The following ELMO2 variants were observed in gnomAD, a reference collection of about 807,000 sequenced individuals.
The protein encoded by ELMO2 is engulfment and cell motility 2.
ELMO2 carries 37 observed loss-of-function variants against 96.2 expected under a neutral mutation model. The ratio of observed to expected loss-of-function variants is 0.38; its 90% CI spans 0.30 to 0.51. ELMO2 has a LOEUF of 0.51. ELMO2 is among the 20% of genes least tolerant of loss of function. The probability of loss-of-function intolerance (pLI) is 0.88; values close to 1 mark genes in which losing one functional copy is unlikely to be tolerated. For missense variants in ELMO2, 561 were observed against 912.6 expected, an observed-to-expected ratio of 0.61 and a Z score of 4.96; for synonymous variants, 315 against 329.4, an observed-to-expected ratio of 0.96 and a Z score of 0.47.
intron 15 of ELMO2, among the ~76,000 whole-genome samples, chr20:46,374,098 GTTTTTTTTTTTTT>G (rs60843274): frequency 4.8e-5 from 3 of 63,030 alleles, no homozygotes; most frequent in South Asian, 7.1e-4. Flanking sequence ...CTAATTTTTG[GTTTTTTTTTTTTT>G]TTTTTTTTTT....
chr20:46,399,309 C>G (rs2060297947), intron 1 of ELMO2, among the ~76,000 whole-genome samples: 1 of 152,184 alleles, frequency 6.6e-6, no homozygotes, highest in African/African-American at 2.4e-5. Context: ...GGGCCACACT[C>G]CCTCGTGTGC....
In ELMO2 at chr20:46,371,260, G is replaced by A; in HGVS notation, c.1801+92C>T. ...AGGTCCAGAGAGGTAACAGGTACAA[G>A]CCCAGATGATCAGCTACAAACAGCT... is the stretch of plus-strand genomic sequence containing the variant. On this transcript the variant is annotated intron_variant, in intron 19 of 21. Transcript: ENST00000290246. This position sits in a 1 kb window ranked among gnomAD's most constrained non-coding sequence, Gnocchi z 5.9. 7.0e-6 allele frequency: 9 copies of A among 1,278,622 alleles called. No individual in the cohort carries two copies. The highest frequency in any genetic ancestry group is 5.2e-5 in the South Asian group (4 of 77,274). 79.2% of individuals were successfully genotyped at this position (1,278,622 alleles called of 1,614,324 possible).
intron 9 of ELMO2, among the ~76,000 whole-genome samples, chr20:46,385,363 A>G (rs2060023263): frequency 6.6e-6 from 1 of 152,242 alleles, no homozygotes; most frequent in Non-Finnish European, 1.5e-5. Context: ...AAAATGTTTT[A>G]GGATGTGATA....
chr20:46,396,359 CTG>C (rs1057492949), intron 2 of ELMO2, among the ~76,000 whole-genome samples: 4 of 152,156 alleles, frequency 2.6e-5, no homozygotes, highest in Non-Finnish European at 4.4e-5. Context: ...ATTTTAAAAA[CTG>C]AGATATAATT....
At chr20:46,376,759 T>C in intron 11 of ELMO2, 4 of 1,289,430 alleles carry the variant, frequency 3.1e-6, no homozygotes, top group Non-Finnish European at 4.0e-6. Flanking sequence ...CTCTCCTCCA[T>C]TTTCCACATG....
chr20:46,396,316 A>G (rs2060243926), intron 2 of ELMO2, among the ~76,000 whole-genome samples: 1 of 152,230 alleles, frequency 6.6e-6, no homozygotes, highest in Admixed American at 6.5e-5. Flanking sequence ...AGCTGCTGCA[A>G]TTAGTAGACA....
At position 46,375,384 on chromosome 20, in the gene ELMO2, C is replaced by CATT. The variant is rs1568755519; in HGVS notation, c.931-15_931-14insAAT. On this transcript the variant is annotated splice_polypyrimidine_tract_variant and intron_variant, in intron 12 of 21. Transcript: ENST00000290246. The surrounding 1 kb of genome is among the most constrained non-coding windows in gnomAD (Gnocchi z 4.6). ...GTCCCTTTGAGCCTGCGAGGTGAAA[C>CATT]AGACAGTCAGCAGGTGAATCGGCTA... is the stretch of plus-strand genomic sequence containing the variant. 1 of 1,612,704 alleles carries CATT rather than the reference C, an allele frequency of 6.2e-7. No homozygotes were observed. Among genetic ancestry groups the CATT allele is most frequent in the Non-Finnish European group, 8.5e-7 (1 of 1,178,822 alleles).
At chr20:46,373,296 C>T in intron 16 of ELMO2, 103 bp downstream of exon 16, 1 of 1,517,540 alleles carries the variant, frequency 6.6e-7, no homozygotes, top group Non-Finnish European at 9.0e-7. Context: ...GCAGACCAAG[C>T]TGCTTTTCCA....
intron 15 of ELMO2, among the ~76,000 whole-genome samples, chr20:46,374,100 T>G (rs968588444): frequency 0.11 from 2,446 of 22,492 alleles, 34 homozygotes; most frequent in Non-Finnish European, 0.2. Flanking sequence ...AATTTTTGGT[T>G]TTTTTTTTTT....
At chr20:46,389,294 G>A (rs2060108934) in intron 6 of ELMO2, 74 bp from the exon 7 acceptor site, 3 of 1,485,850 alleles carry the variant, frequency 2.0e-6, no homozygotes, top group African/African-American at 2.8e-5. Context: ...AGCTCACAGA[G>A]GCCCTTCTGT....
In ELMO2 at chr20:46,371,818, G is replaced by T; in HGVS notation, c.1568C>A (p.Ser523Tyr). The change falls in exon 17 of 22, where the codon TCC (serine) becomes TAC (tyrosine). Residue 523 changes from serine (S) to tyrosine (Y), a missense_variant. Transcript: ENST00000290246. The surrounding 1 kb of genome is among the most constrained non-coding windows in gnomAD (Gnocchi z 5.9). The stretch of plus-strand genomic sequence containing the variant: ...AGATGGAACTTACACAATTGGCGGG[G>T]ACTGGAAGTCATCCTGACTCATCCT... Reference protein sequence around the residue: ...SERMSQDDFQSPPIVELREKI... With the variant: ...SERMSQDDFQYPPIVELREKI... 1 of 1,614,166 alleles carries T rather than the reference G, an allele frequency of 6.2e-7. No homozygotes were observed. Among genetic ancestry groups the T allele is most frequent in the South Asian group, 1.1e-5 (1 of 91,074 alleles).
At chr20:46,378,272 C>T (rs1198573005) in intron 11 of ELMO2, among the ~76,000 whole-genome samples, 1 of 152,102 alleles carries the variant, frequency 6.6e-6, no homozygotes, top group Non-Finnish European at 1.5e-5. Flanking sequence ...TCAGTGAAAT[C>T]CCTGGACTTC....
At chr20:46,387,029 C>A (rs1751054468) in intron 8 of ELMO2, among the ~76,000 whole-genome samples, 1 of 152,128 alleles carries the variant, frequency 6.6e-6, no homozygotes, top group African/African-American at 2.4e-5. Context: ...CTCAGGAAGT[C>A]GGTCAAAAGA....
At chr20:46,406,122 T>C (rs1299830644) in intron 1 of ELMO2, among the ~76,000 whole-genome samples, 4 of 152,086 alleles carry the variant, frequency 2.6e-5, no homozygotes, top group Admixed American at 1.3e-4. Context: ...CGGGTCCAGG[T>C]TGAGCATGAC....
At chr20:46,368,161 GT>G (rs928218504) in intron 21 of ELMO2, among the ~76,000 whole-genome samples, 83 of 152,202 alleles carry the variant, frequency 5.5e-4, no homozygotes, top group African/African-American at 1.9e-3. Flanking sequence ...CCACTTGCTT[GT>G]TCTTCATTTC....
At chr20:46,379,654 TG>T (rs1160936186) in intron 11 of ELMO2, among the ~76,000 whole-genome samples, 1 of 152,180 alleles carries the variant, frequency 6.6e-6, no homozygotes, top group South Asian at 2.1e-4. Flanking sequence ...GGGTTCTGGC[TG>T]CCCTCTGACT....
chr20:46,397,803 C>A (rs564606364), intron 2 of ELMO2, among the ~76,000 whole-genome samples: 5 of 152,036 alleles, frequency 3.3e-5, no homozygotes, highest in Non-Finnish European at 7.3e-5. Context: ...AAGATCCGTA[C>A]GAGCCAAAGA....
intron 16 of ELMO2, 78 bp from the exon 17 acceptor site, chr20:46,372,047 C>T (rs2059727973): frequency 1.9e-6 from 3 of 1,579,702 alleles, no homozygotes. Context: ...CACCAAGGCT[C>T]TTTCCTGCCC....
At chr20:46,397,284 A>T (rs1373421796) in intron 2 of ELMO2, among the ~76,000 whole-genome samples, 1 of 152,208 alleles carries the variant, frequency 6.6e-6, no homozygotes, top group Non-Finnish European at 1.5e-5. Flanking sequence ...TCTGAACTGA[A>T]TGACACTCTC....
Sources: gnomAD v4.1 joint callset for allele counts (sites outside exome capture counted in the v4.1 genomes callset) on GRCh38, gnomAD v4.1.1 for gene constraint, Gnocchi (gnomAD v3.1) non-coding constraint, MANE v1.5 for transcripts, NCBI Gene and HGNC (gene_info 2026-07-23, HGNC 2026-07-21) for gene names.